KCNB2: variants seen among roughly 807,000 people sequenced by gnomAD.
KCNB2 encodes the protein delayed rectifier potassium channel protein.
In KCNB2, 15 loss-of-function variants were observed where a neutral mutation model predicts 61.5. The observed-to-expected ratio is 0.24, with a 90% confidence interval of 0.16 to 0.38. KCNB2 has a LOEUF of 0.38. KCNB2 is among the 10% of genes least tolerant of loss of function. KCNB2 has a pLI of 1.00. For missense variants in KCNB2, 828 were observed against 1,125.2 expected (o/e 0.74, Z 3.78); for synonymous variants, 457 against 446.0 (o/e 1.02, Z -0.31).
At chr8:72,766,640 T>G (rs1208022103) in intron 2 of KCNB2, among the ~76,000 whole-genome samples, 1 of 152,208 alleles carries the variant, frequency 6.6e-6, no homozygotes, top group Non-Finnish European at 1.5e-5. Flanking sequence ...TGTGAATGTA[T>G]TAACGCGTGC....
intron 2 of KCNB2, among the ~76,000 whole-genome samples, chr8:72,715,623 G>GACACA (rs1807423225): frequency 6.6e-6 from 1 of 152,090 alleles, no homozygotes; most frequent in African/African-American, 2.4e-5. Context: ...CGAGAACAAA[G>GACACA]ACACAACATA....
At chr8:72,608,173 C>T (rs939088398) in intron 2 of KCNB2, among the ~76,000 whole-genome samples, 2 of 152,026 alleles carry the variant, frequency 1.3e-5, no homozygotes, top group Admixed American at 6.6e-5. Flanking sequence ...TGAAGAAAGC[C>T]CCTTGGAGAA....
At chr8:72,543,091 G>A (rs1005939773) in intron 1 of KCNB2, among the ~76,000 whole-genome samples, 3 of 152,084 alleles carry the variant, frequency 2.0e-5, no homozygotes, top group Admixed American at 1.3e-4. Context: ...CTACTCAGTC[G>A]GATCCAATAC....
intron 2 of KCNB2, among the ~76,000 whole-genome samples, chr8:72,639,653 A>G (rs1002686823): frequency 6.6e-6 from 1 of 152,068 alleles, no homozygotes; most frequent in Non-Finnish European, 1.5e-5. Flanking sequence ...CTTAGGCTTC[A>G]TGATCACTGA....
chr8:72,863,143 G>A (rs1004051894), intron 2 of KCNB2, among the ~76,000 whole-genome samples: 1 of 152,136 alleles, frequency 6.6e-6, no homozygotes. Flanking sequence ...CTGCCTAGTA[G>A]GGAAGATCTG....
intron 2 of KCNB2, among the ~76,000 whole-genome samples, chr8:72,649,848 T>C (rs1806187249): frequency 6.6e-6 from 1 of 152,168 alleles, no homozygotes. Context: ...CCACCTGGAA[T>C]GACTCCAACA....
chr8:72,787,922 T>C (rs1466131905), intron 2 of KCNB2, among the ~76,000 whole-genome samples: 3 of 152,200 alleles, frequency 2.0e-5, no homozygotes, highest in Non-Finnish European at 2.9e-5. Flanking sequence ...GGTGGTTGAA[T>C]ACATAGGCTC....
chr8:72,809,005 A>G (rs1809265723), intron 2 of KCNB2, among the ~76,000 whole-genome samples: 1 of 152,202 alleles, frequency 6.6e-6, no homozygotes, highest in Non-Finnish European at 1.5e-5. Context: ...GGACAGGATC[A>G]TGAAAAATGT....
At chr8:72,687,917 C>T (rs1235159733) in intron 2 of KCNB2, among the ~76,000 whole-genome samples, 1 of 152,126 alleles carries the variant, frequency 6.6e-6, no homozygotes, top group Non-Finnish European at 1.5e-5. Flanking sequence ...AGCAGGGGAT[C>T]CTACATGGGG....
chr8:72,715,526 T>C (rs1165236855), intron 2 of KCNB2, among the ~76,000 whole-genome samples: 1 of 152,080 alleles, frequency 6.6e-6, no homozygotes, highest in Non-Finnish European at 1.5e-5. Context: ...ACCGCTCAAC[T>C]ACATGGAAAC....
At chr8:72,935,898 A>G in intron 2 of KCNB2, 37 bp from the exon 3 acceptor site, 1 of 1,489,234 alleles carries the variant, frequency 6.7e-7, no homozygotes, top group South Asian at 1.2e-5. Flanking sequence ...CTAAGCAACT[A>G]AGAGGATTTG....
chr8:72,667,983 A>G (rs573349623), intron 2 of KCNB2, among the ~76,000 whole-genome samples: 16 of 152,324 alleles, frequency 1.1e-4, no homozygotes, highest in African/African-American at 1.2e-4. Flanking sequence ...GTGATTCACT[A>G]GAAGGACTCA....
At chr8:72,586,224 A>G (rs901795442) in intron 2 of KCNB2, among the ~76,000 whole-genome samples, 1 of 152,322 alleles carries the variant, frequency 6.6e-6, no homozygotes, top group African/African-American at 2.4e-5. Context: ...CCAGTGTCAA[A>G]CCCATTACCG....
chr8:72,883,189 T>C, intron 2 of KCNB2, among the ~76,000 whole-genome samples: 1 of 152,206 alleles, frequency 6.6e-6, no homozygotes, highest in East Asian at 1.9e-4. Flanking sequence ...CAAAAATGTT[T>C]CTTTATCTCA....
At chr8:72,560,582 A>G (rs1175856303) in intron 1 of KCNB2, among the ~76,000 whole-genome samples, 1 of 152,100 alleles carries the variant, frequency 6.6e-6, no homozygotes, top group Non-Finnish European at 1.5e-5. Context: ...GACTTGCAAA[A>G]GGAAAGATTT....
intron 2 of KCNB2, among the ~76,000 whole-genome samples, chr8:72,668,236 G>T (rs1258367879): frequency 6.6e-6 from 1 of 152,130 alleles, no homozygotes; most frequent in East Asian, 1.9e-4. Context: ...GATGTCCAAG[G>T]TTTTTATTGG....
chr8:72,896,883 A>G (rs1805997702), intron 2 of KCNB2, among the ~76,000 whole-genome samples: 1 of 152,190 alleles, frequency 6.6e-6, no homozygotes, highest in South Asian at 2.1e-4. Flanking sequence ...CAGAAACTTT[A>G]TTTTCACTCT....
chr8:72,921,787 C>A (rs544237186), intron 2 of KCNB2, among the ~76,000 whole-genome samples: 1 of 152,340 alleles, frequency 6.6e-6, no homozygotes, highest in African/African-American at 2.4e-5. Flanking sequence ...CAAATCGTAA[C>A]TATTTACTTC....
At chr8:72,695,025 A>G (rs1465863934) in intron 2 of KCNB2, among the ~76,000 whole-genome samples, 1 of 152,100 alleles carries the variant, frequency 6.6e-6, no homozygotes, top group East Asian at 1.9e-4. Context: ...TATAAAATTT[A>G]ATAATGATAA....
Sources: allele counts gnomAD v4.1 joint callset (sites outside exome capture counted in the v4.1 genomes callset), GRCh38; gene constraint gnomAD v4.1.1; transcripts MANE v1.5; gene names NCBI Gene and HGNC (gene_info 2026-07-23, HGNC 2026-07-21).